TNFAIP8: variants seen among roughly 807,000 people sequenced by gnomAD.
TNFAIP8 encodes TNF alpha induced protein 8.
In TNFAIP8, 7 loss-of-function variants were observed where a neutral mutation model predicts 13.3. The ratio of observed to expected loss-of-function variants is 0.52; its 90% confidence interval spans 0.30 to 0.99. The LOEUF is 0.99. Ranked by LOEUF, TNFAIP8 falls within the 50% of genes least tolerant of loss-of-function variation. TNFAIP8 has a pLI of 0.07. For missense variants in TNFAIP8, 258 were observed against 236.9 expected, an observed-to-expected ratio of 1.09 and a Z score of -0.58; for synonymous variants, 94 against 87.6, an observed-to-expected ratio of 1.07 and a Z score of -0.41.
At chr5:119,391,066 A>G (rs1048390834) in intron 1 of TNFAIP8, among the ~76,000 whole-genome samples, 1 of 151,270 alleles carries the variant, frequency 6.6e-6, no homozygotes, top group Non-Finnish European at 1.5e-5. Flanking sequence ...CCTGGGCTCA[A>G]GTGATCCTCT....
chr5:119,366,605 C>A (rs993976502), intron 1 of TNFAIP8, among the ~76,000 whole-genome samples: 10 of 152,178 alleles, frequency 6.6e-5, no homozygotes, highest in Non-Finnish European at 1.0e-4. Flanking sequence ...TTCAAAGCTG[C>A]CTGTGACATC....
intron 1 of TNFAIP8, among the ~76,000 whole-genome samples, chr5:119,342,879 C>A (rs1394651818): frequency 6.6e-6 from 1 of 152,128 alleles, no homozygotes; most frequent in Non-Finnish European, 1.5e-5. Flanking sequence ...GAATGTTTAT[C>A]GCCTGCATGT....
At chr5:119,289,995 C>T (rs13174838) in intron 1 of TNFAIP8, among the ~76,000 whole-genome samples, 92,198 of 152,046 alleles carry the variant, frequency 0.61, 28,474 homozygotes, top group East Asian at 0.92. Flanking sequence ...AAAATTCTCT[C>T]ATCATTCAGT....
intron 1 of TNFAIP8, among the ~76,000 whole-genome samples, chr5:119,379,675 C>G (rs975529132): frequency 3.3e-5 from 5 of 152,262 alleles, no homozygotes; most frequent in East Asian, 1.9e-4. Context: ...ACTGCAGCCT[C>G]AACCTCCCAG....
At position 119,399,061 on chromosome 5, in the gene TNFAIP8, T is replaced by C. The variant is rs949414426; in HGVS notation, c.*5680T>C. 1.3e-5 allele frequency: 2 copies of C among 152,266 alleles called. No homozygotes were observed. The highest frequency in any genetic ancestry group is 2.4e-5 in the African/African-American group (1 of 41,472). 9.4% of individuals were successfully genotyped at this position (152,266 alleles called of 1,614,324 possible). A position where few individuals can be genotyped will look rare whatever the true frequency, so the allele number is the denominator to read the frequency against. ...ATCAAAGTTCCAGCATTATTGCTCT[T>C]TTCGAATCATATGGACTTAGTGTTC... On this transcript the variant is annotated 3_prime_UTR_variant, in exon 2 of 2. Coordinates refer to ENST00000504771, the MANE Select transcript of TNFAIP8 (RefSeq NM_014350.4).
intron 1 of TNFAIP8, among the ~76,000 whole-genome samples, chr5:119,298,821 T>C (rs1049483038): frequency 2.0e-4 from 30 of 152,146 alleles, no homozygotes; most frequent in African/African-American, 6.3e-4. Context: ...TATTCTTTTT[T>C]CTCTAAACTT....
chr5:119,367,763 C>T (rs1751915434), intron 1 of TNFAIP8, among the ~76,000 whole-genome samples: 1 of 152,096 alleles, frequency 6.6e-6, no homozygotes, highest in African/African-American at 2.4e-5. Flanking sequence ...GATTTCTGGA[C>T]AGAATAGGTC....
chr5:119,326,558 C>G (rs569061985), intron 1 of TNFAIP8, among the ~76,000 whole-genome samples: 1 of 152,134 alleles, frequency 6.6e-6, no homozygotes, highest in Non-Finnish European at 1.5e-5. Flanking sequence ...ATTGCGTGCT[C>G]CTCATCAGAG....
chr5:119,302,871 G>A (rs1749439626), intron 1 of TNFAIP8, among the ~76,000 whole-genome samples: 1 of 152,210 alleles, frequency 6.6e-6, no homozygotes. Context: ...CATTGTTGAA[G>A]GAGAGATGCT....
intron 1 of TNFAIP8, among the ~76,000 whole-genome samples, chr5:119,282,715 C>T (rs1748669100): frequency 3.9e-5 from 6 of 152,208 alleles, no homozygotes; most frequent in Admixed American, 3.9e-4. Context: ...CCCAGCCTCT[C>T]TGTGACCTTC....
At chr5:119,367,886 T>A (rs1039589312) in intron 1 of TNFAIP8, among the ~76,000 whole-genome samples, 1 of 152,220 alleles carries the variant, frequency 6.6e-6, no homozygotes, top group East Asian at 1.9e-4. Flanking sequence ...TTATATAGAT[T>A]GAAATTTATT....
At chr5:119,368,946 A>G (rs1337200480) in intron 1 of TNFAIP8, among the ~76,000 whole-genome samples, 1 of 152,126 alleles carries the variant, frequency 6.6e-6, no homozygotes, top group Non-Finnish European at 1.5e-5. Context: ...GGCCTTTTGA[A>G]AATACTGGAA....
At chr5:119,355,023 C>T (rs944654535), upstream of TNFAIP8, 4 of 352,982 alleles carry the variant, frequency 1.1e-5, no homozygotes, top group African/African-American at 8.6e-5. Context: ...ACAGGCCTAT[C>T]AGTGGCAGCT....
At chr5:119,343,480 G>C (rs995935235) in intron 1 of TNFAIP8, among the ~76,000 whole-genome samples, 1 of 152,100 alleles carries the variant, frequency 6.6e-6, no homozygotes, top group African/African-American at 2.4e-5. Context: ...ATAGTTTCTT[G>C]TAAGGTACTT....
At position 119,324,274 on chromosome 5, in the gene TNFAIP8, CAAAAAAAAAAAAAAAAAAAAAA is replaced by C. The variant is rs56104829; in HGVS notation, c.1+55386_1+55407del. On this transcript the variant is annotated intron_variant, in intron 1 of 1. Transcript: ENST00000274456. The stretch of plus-strand genomic sequence containing the variant: ...TGAGCCACAAAGCAAGACGCCATCT[CAAAAAAAAAAAAAAAAAAAAAA>C]AAAAAAAAAAAAAAAAAAGAAGAAG... Among the ~76,000 whole-genome samples the C allele has an allele frequency of 1.1e-3, 89 of 77,664 alleles. 1 individual carries two copies. The East Asian group carries it at 0.014, about 12-fold the overall frequency. 51.0% of individuals were successfully genotyped at this position (77,664 alleles called of 152,430 possible).
upstream of TNFAIP8, among the ~76,000 whole-genome samples, chr5:119,351,492 C>G (rs1022851955): frequency 6.6e-6 from 1 of 152,096 alleles, no homozygotes; most frequent in Non-Finnish European, 1.5e-5. Flanking sequence ...ATAATTTAGC[C>G]TAACTGTAGG....
At chr5:119,291,545 G>C (rs1341862910) in intron 1 of TNFAIP8, among the ~76,000 whole-genome samples, 1 of 152,224 alleles carries the variant, frequency 6.6e-6, no homozygotes, top group Non-Finnish European at 1.5e-5. Flanking sequence ...GCTTCAAAGA[G>C]TGTTCTTATT....
intron 1 of TNFAIP8, among the ~76,000 whole-genome samples, chr5:119,275,622 C>A (rs1254414270): frequency 6.6e-6 from 1 of 152,068 alleles, no homozygotes; most frequent in Non-Finnish European, 1.5e-5. Context: ...AAAAACAGAC[C>A]ATTTTTTTCT....
At chr5:119,342,033 C>T (rs1750755389) in intron 1 of TNFAIP8, among the ~76,000 whole-genome samples, 1 of 151,924 alleles carries the variant, frequency 6.6e-6, no homozygotes, top group African/African-American at 2.4e-5. Context: ...GGGGTGCCCT[C>T]TAGTCCTCAT....
Sources: allele counts gnomAD v4.1 joint callset (sites outside exome capture counted in the v4.1 genomes callset), GRCh38; gene constraint gnomAD v4.1.1; transcripts MANE v1.5; gene names NCBI Gene and HGNC (gene_info 2026-07-23, HGNC 2026-07-21).